Variants in RNF13 observed in about 807,000 individuals in gnomAD.
RNF13 encodes the protein ring finger protein 13.
In RNF13, 19 loss-of-function variants were observed where a neutral mutation model predicts 37.7. The ratio of observed to expected loss-of-function variants is 0.50; its 90% confidence interval spans 0.35 to 0.74. The LOEUF (loss-of-function observed/expected upper bound fraction) is 0.74. Ranked by LOEUF, RNF13 falls within the 30% of genes least tolerant of loss-of-function variation. RNF13 has a pLI of 0.01. For missense variants in RNF13, 375 were observed against 453.0 expected (o/e 0.83, Z 1.56); for synonymous variants, 144 against 157.8 (o/e 0.91, Z 0.65).
intron 1 of RNF13, among the ~76,000 whole-genome samples, chr3:149,819,644 A>G (rs886860317): frequency 6.6e-6 from 1 of 152,212 alleles, no homozygotes; most frequent in Non-Finnish European, 1.5e-5. Flanking sequence ...GAAAGTGCTC[A>G]TGGTTACAGA....
chr3:149,944,939 T>C (rs1001895434), intron 8 of RNF13, among the ~76,000 whole-genome samples: 1 of 152,202 alleles, frequency 6.6e-6, no homozygotes, highest in Non-Finnish European at 1.5e-5. Context: ...TTTTATGGTT[T>C]TAGGTCTAAC....
chr3:149,838,732 G>C (rs1165028689), intron 1 of RNF13, among the ~76,000 whole-genome samples: 1 of 152,198 alleles, frequency 6.6e-6, no homozygotes, highest in Admixed American at 6.5e-5. Flanking sequence ...GACAACCTCT[G>C]ACATGCCCTG....
chr3:149,908,537 A>G (rs936113159), intron 6 of RNF13, among the ~76,000 whole-genome samples: 1 of 152,218 alleles, frequency 6.6e-6, no homozygotes, highest in Admixed American at 6.5e-5. Context: ...AGAGCAGTGC[A>G]CTGGCAGTAA....
chr3:149,887,570 G>A (rs939901324), intron 4 of RNF13, among the ~76,000 whole-genome samples: 1 of 152,210 alleles, frequency 6.6e-6, no homozygotes, highest in African/African-American at 2.4e-5. Context: ...AAAGTGCTGG[G>A]ATTACAGGCA....
chr3:149,837,313 G>T (rs75029868), intron 1 of RNF13, among the ~76,000 whole-genome samples: 1,831 of 152,254 alleles, frequency 0.012, 30 homozygotes, highest in African/African-American at 0.041. Context: ...TAGATTTATA[G>T]TGTGTTTTTT....
At chr3:149,832,397 T>C (rs1721151199) in intron 1 of RNF13, among the ~76,000 whole-genome samples, 1 of 152,214 alleles carries the variant, frequency 6.6e-6, no homozygotes, top group South Asian at 2.1e-4. Context: ...GTAATACTGG[T>C]CTTAAAAATT....
intron 1 of RNF13, among the ~76,000 whole-genome samples, chr3:149,832,312 G>T (rs766541935): frequency 2.0e-5 from 3 of 152,124 alleles, no homozygotes; most frequent in South Asian, 2.1e-4. Flanking sequence ...GTGTTATTTG[G>T]CAGTGAAGCA....
chr3:149,829,351 C>T lies in RNF13; in HGVS notation c.-17+15998C>T, dbSNP rs541858669. On this transcript the variant is annotated intron_variant, in intron 1 of 9. Coordinates refer to ENST00000392894, the MANE Select transcript of RNF13 (RefSeq NM_183381.3). ...CTGACCTCGGGCGATCCTCCTGCCT[C>T]GGCCTCCCAAAGTGTTGGGATTACA... Among the ~76,000 whole-genome samples the T allele has an allele frequency of 4.6e-5, 7 of 152,278 alleles. No individual in the cohort carries two copies. In the South Asian group the frequency reaches 1.2e-3, roughly 27 times the overall value.
chr3:149,933,922 AAT>A (rs1719429503), intron 8 of RNF13, among the ~76,000 whole-genome samples: 1 of 152,080 alleles, frequency 6.6e-6, no homozygotes, highest in Non-Finnish European at 1.5e-5. Flanking sequence ...TGGTTTTTAA[AAT>A]ATACAATCAT....
At chr3:149,913,310 T>C (rs1382457780) in intron 7 of RNF13, among the ~76,000 whole-genome samples, 2 of 152,322 alleles carry the variant, frequency 1.3e-5, no homozygotes, top group Admixed American at 1.3e-4. Flanking sequence ...TTGGCTATTC[T>C]TATAATTGAG....
At chr3:149,900,842 C>CGTGT (rs142772347) in intron 5 of RNF13, among the ~76,000 whole-genome samples, 4 of 150,138 alleles carry the variant, frequency 2.7e-5, no homozygotes, top group African/African-American at 7.4e-5. Context: ...CGCATGTGTG[C>CGTGT]GTGTGTGTGT....
At chr3:149,863,883 T>A (rs897340698) in intron 3 of RNF13, among the ~76,000 whole-genome samples, 1 of 152,116 alleles carries the variant, frequency 6.6e-6, no homozygotes, top group African/African-American at 2.4e-5. Flanking sequence ...CTTTACTGGG[T>A]TGTACTGATT....
intron 8 of RNF13, among the ~76,000 whole-genome samples, chr3:149,954,493 G>A (rs1026975042): frequency 3.9e-4 from 60 of 152,226 alleles, no homozygotes; most frequent in African/African-American, 1.3e-3. Context: ...GTGCTAAAAC[G>A]TATTTCTGTT....
intron 1 of RNF13, among the ~76,000 whole-genome samples, chr3:149,836,605 A>G (rs1721646781): frequency 6.6e-6 from 1 of 152,130 alleles, no homozygotes; most frequent in African/African-American, 2.4e-5. Context: ...CACTTTGGAA[A>G]ATGGTATGGC....
intron 4 of RNF13, among the ~76,000 whole-genome samples, chr3:149,892,272 G>A (rs1320359178): frequency 6.6e-6 from 1 of 152,192 alleles, no homozygotes; most frequent in Admixed American, 6.5e-5. Context: ...TTTTGGATGT[G>A]TGAAAGACAT....
intron 8 of RNF13, among the ~76,000 whole-genome samples, chr3:149,947,370 G>T (rs1720865233): frequency 6.6e-6 from 1 of 150,598 alleles, no homozygotes; most frequent in African/African-American, 2.4e-5. Context: ...GAAGTCGCCT[G>T]TTAGTATTGT....
At position 149,961,360 on chromosome 3, in the gene RNF13, A is replaced by AT. The variant is rs530305896; in HGVS notation, c.*257dup. On this transcript the variant is annotated 3_prime_UTR_variant, in exon 10 of 10. Coordinates refer to ENST00000392894, the MANE Select transcript of RNF13 (RefSeq NM_183381.3). ...TTTGGAATGAAAGTATAGCCAAAACATAAAAAAAAAAAAATCCTCAGTATA... is the reference window on the plus strand; with the variant it reads ...TTTGGAATGAAAGTATAGCCAAAACATTAAAAAAAAAAAAATCCTCAGTATA... 4.0e-3 allele frequency: 2,194 copies of AT among 554,902 alleles called. 2 individuals are homozygous for AT. The highest frequency in any genetic ancestry group is 5.7e-3 in the Non-Finnish European group (1,752 of 306,108). 34.4% of individuals were successfully genotyped at this position (554,902 alleles called of 1,614,324 possible).
At chr3:149,830,283 A>G (rs1248667324) in intron 1 of RNF13, among the ~76,000 whole-genome samples, 2 of 13,602 alleles carry the variant, frequency 1.5e-4, no homozygotes, top group Admixed American at 1.6e-3. Flanking sequence ...GAAAATGTGG[A>G]GCTTCCTAAA....
chr3:149,819,868 A>G (rs563266847), intron 1 of RNF13, among the ~76,000 whole-genome samples: 71 of 152,172 alleles, frequency 4.7e-4, no homozygotes, highest in Non-Finnish European at 8.2e-4. Flanking sequence ...TGAGGAAGGT[A>G]TTTGTTATTT....
Sources: allele counts gnomAD v4.1 joint callset (sites outside exome capture counted in the v4.1 genomes callset), GRCh38; gene constraint gnomAD v4.1.1; transcripts MANE v1.5; gene names NCBI Gene and HGNC (gene_info 2026-07-23, HGNC 2026-07-21).